Variants in KCNMA1 observed in about 807,000 individuals in gnomAD.
KCNMA1 encodes potassium calcium-activated channel subfamily M alpha 1.
A neutral mutation model predicts 140.0 loss-of-function variants in KCNMA1; 29 were observed. The ratio of observed to expected loss-of-function variants is 0.21; its 90% CI spans 0.15 to 0.28. The LOEUF is 0.28. Ranked by LOEUF, KCNMA1 falls within the 10% of genes least tolerant of loss-of-function variation. The pLI, the probability that KCNMA1 is intolerant of heterozygous loss-of-function variation, is 1.00. For synonymous variants in KCNMA1, 612 were observed against 611.9 expected, an observed-to-expected ratio of 1.00 and a Z score of 0.00; for missense variants, 880 against 1,602.2, an observed-to-expected ratio of 0.55 and a Z score of 7.70.
chr10:77,335,039 G>A (rs2088302800), intron 2 of KCNMA1, among the ~76,000 whole-genome samples: 1 of 152,136 alleles, frequency 6.6e-6, no homozygotes. Context: ...TAGACTAAAG[G>A]ATTTTCAGAG....
intron 1 of KCNMA1, among the ~76,000 whole-genome samples, chr10:77,543,372 C>G (rs2060639065): frequency 6.6e-6 from 1 of 152,014 alleles, no homozygotes; most frequent in South Asian, 2.1e-4. Context: ...AGAATTTGCC[C>G]TCAATATCAG....
At chr10:76,986,140 G>C (rs917337114) in intron 19 of KCNMA1, among the ~76,000 whole-genome samples, 1 of 152,166 alleles carries the variant, frequency 6.6e-6, no homozygotes, top group Non-Finnish European at 1.5e-5. Context: ...CTATGAAAAG[G>C]AGGCGAGTGT....
At chr10:76,914,438 T>C (rs2051806537) in intron 24 of KCNMA1, 1 of 475,476 alleles carries the variant, frequency 2.1e-6, no homozygotes, top group East Asian at 3.6e-5. Context: ...GGCTGAGATA[T>C]TCAACTACGA....
intron 5 of KCNMA1, among the ~76,000 whole-genome samples, chr10:77,122,782 CT>C (rs1159290805): frequency 1.3e-5 from 2 of 152,152 alleles, no homozygotes; most frequent in Non-Finnish European, 2.9e-5. Flanking sequence ...AAGCATCTGG[CT>C]TTTCATTTTC....
At chr10:77,455,187 A>G (rs1311991266) in intron 1 of KCNMA1, among the ~76,000 whole-genome samples, 1 of 152,228 alleles carries the variant, frequency 6.6e-6, no homozygotes, top group Non-Finnish European at 1.5e-5. Flanking sequence ...TCCAATCTTC[A>G]GAACCGGGCT....
intron 14 of KCNMA1, among the ~76,000 whole-genome samples, chr10:77,059,884 G>A (rs1322894847): frequency 6.6e-6 from 1 of 151,986 alleles, no homozygotes; most frequent in African/African-American, 2.4e-5. Flanking sequence ...CCAGGTACAA[G>A]GTCAATACAG....
intron 9 of KCNMA1, among the ~76,000 whole-genome samples, chr10:77,099,968 G>A (rs2097056162): frequency 6.6e-6 from 1 of 152,172 alleles, no homozygotes; most frequent in African/African-American, 2.4e-5. Context: ...ATTATCAAAT[G>A]CTTTTGGGAG....
intron 3 of KCNMA1, among the ~76,000 whole-genome samples, chr10:77,241,138 T>C (rs1599709194): frequency 1.3e-5 from 2 of 152,288 alleles, no homozygotes; most frequent in South Asian, 2.1e-4. Flanking sequence ...AGGGGTTTAG[T>C]ATAAGGCATC....
chr10:77,033,911 G>T (rs577995134), intron 15 of KCNMA1, among the ~76,000 whole-genome samples: 1 of 152,254 alleles, frequency 6.6e-6, no homozygotes, highest in South Asian at 2.1e-4. Context: ...TCAAGTGGAT[G>T]AATAGAGCCA....
intron 5 of KCNMA1, among the ~76,000 whole-genome samples, chr10:77,141,758 T>C (rs2098175909): frequency 1.3e-5 from 2 of 152,144 alleles, no homozygotes; most frequent in East Asian, 1.9e-4. Context: ...CAGGAAAATA[T>C]CCACATTCCA....
chr10:77,636,482 C>T (rs1186413448), intron 1 of KCNMA1: 2 of 1,536,086 alleles, frequency 1.3e-6, no homozygotes, highest in South Asian at 1.2e-5. Flanking sequence ...CTCCGCGCTG[C>T]TGGTGGCATT....
intron 1 of KCNMA1, among the ~76,000 whole-genome samples, chr10:77,582,372 G>A (rs2076125179): frequency 6.6e-6 from 1 of 152,242 alleles, no homozygotes; most frequent in African/African-American, 2.4e-5. Context: ...TGGAAGAGGA[G>A]CTTAATAATT....
At chr10:77,207,141 C>G (rs1373630036) in intron 3 of KCNMA1, among the ~76,000 whole-genome samples, 1 of 151,690 alleles carries the variant, frequency 6.6e-6, no homozygotes, top group Non-Finnish European at 1.5e-5. Flanking sequence ...ATTTTTTTTT[C>G]TAGATTATGT....
At chr10:77,292,459 C>T (rs2073587176) in intron 2 of KCNMA1, among the ~76,000 whole-genome samples, 1 of 152,194 alleles carries the variant, frequency 6.6e-6, no homozygotes, top group African/African-American at 2.4e-5. Context: ...GGGGCGGCCC[C>T]CACTATGTTT....
At chr10:76,887,883 G>A (rs534459273) in intron 27 of KCNMA1, 24 of 306,684 alleles carry the variant, frequency 7.8e-5, no homozygotes, top group Admixed American at 1.4e-4. Context: ...CATAATTTTC[G>A]GACAATCCCA....
At chr10:77,163,737 T>C (rs904553104) in intron 5 of KCNMA1, among the ~76,000 whole-genome samples, 2 of 152,164 alleles carry the variant, frequency 1.3e-5, no homozygotes, top group African/African-American at 4.8e-5. Flanking sequence ...TACTAAAGAC[T>C]GTCAAATCAG....
rs538954791 is a variant in KCNMA1 at position 77,201,865 on chromosome 10, T to C, written c.603-16949A>G. Among the ~76,000 whole-genome samples the C allele has an allele frequency of 2.0e-5, 3 of 152,206 alleles. No homozygotes were observed. In the South Asian group the frequency reaches 6.2e-4, roughly 32 times the overall value. The stretch of plus-strand genomic sequence containing the variant: ...CTTGTAAAAACTGGCAAAACATCTG[T>C]ACTTGAGTTTACAGCAGTACGCCAA... On this transcript the variant is annotated intron_variant, in intron 3 of 27. Coordinates refer to ENST00000286628, the MANE Select transcript of KCNMA1 (RefSeq NM_001161352.2).
At chr10:77,579,015 C>T (rs1169381725) in intron 1 of KCNMA1, among the ~76,000 whole-genome samples, 1 of 152,220 alleles carries the variant, frequency 6.6e-6, no homozygotes, top group Non-Finnish European at 1.5e-5. Flanking sequence ...CTCCCGGAGT[C>T]GTTGGGCTTC....
intron 3 of KCNMA1, among the ~76,000 whole-genome samples, chr10:77,199,352 G>T (rs1198783816): frequency 6.6e-6 from 1 of 152,160 alleles, no homozygotes; most frequent in African/African-American, 2.4e-5. Context: ...ATTTAGCAGA[G>T]AAGTCTACCC....
Sources: gnomAD v4.1 joint callset for allele counts (sites outside exome capture counted in the v4.1 genomes callset) on GRCh38, gnomAD v4.1.1 for gene constraint, MANE v1.5 for transcripts, NCBI Gene and HGNC (gene_info 2026-07-23, HGNC 2026-07-21) for gene names.